IGSF11: variants seen among roughly 807,000 people sequenced by gnomAD.
The protein encoded by IGSF11 is immunoglobulin superfamily member 11.
IGSF11 carries 22 observed loss-of-function variants against 41.0 expected under a neutral mutation model. The observed-to-expected ratio is 0.54, with a 90% confidence interval of 0.38 to 0.77. The LOEUF (loss-of-function observed/expected upper bound fraction) is 0.77. Among genes scored for constraint, IGSF11 ranks in the 30% least tolerant of loss-of-function variants. The probability of loss-of-function intolerance (pLI) is 0.00; values close to 1 mark genes in which losing one functional copy is unlikely to be tolerated. For synonymous variants in IGSF11, 219 were observed against 201.3 expected, an observed-to-expected ratio of 1.09 and a Z score of -0.74; for missense variants, 444 against 530.8, an observed-to-expected ratio of 0.84 and a Z score of 1.61.
upstream of IGSF11, among the ~76,000 whole-genome samples, chr3:119,106,322 T>C (rs1308412404): frequency 6.6e-6 from 1 of 152,206 alleles, no homozygotes; most frequent in Non-Finnish European, 1.5e-5. Context: ...CTAACTATTT[T>C]TTGTACCCAT....
At chr3:118,933,470 T>TATATATATATATATATATATA (rs59418588) in intron 1 of IGSF11, among the ~76,000 whole-genome samples, 1 of 146,148 alleles carries the variant, frequency 6.8e-6, no homozygotes, top group African/African-American at 2.6e-5. Flanking sequence ...CATGTATTTT[T>TATATATATATATATATATATA]TATATATATA....
At chr3:119,100,410 T>C (rs757790196) in intron 1 of IGSF11, among the ~76,000 whole-genome samples, 8 of 152,200 alleles carry the variant, frequency 5.3e-5, no homozygotes, top group Non-Finnish European at 1.0e-4. Context: ...AAGAAGTCCC[T>C]GAGGCTTTGA....
intron 1 of IGSF11, among the ~76,000 whole-genome samples, chr3:119,127,461 A>C (rs1260632745): frequency 6.6e-6 from 1 of 152,132 alleles, no homozygotes; most frequent in Non-Finnish European, 1.5e-5. Flanking sequence ...TCAGCATATG[A>C]TCCAGGAAGA....
chr3:119,056,303 A>C (rs1249532339), intron 1 of IGSF11, among the ~76,000 whole-genome samples: 4 of 152,244 alleles, frequency 2.6e-5, no homozygotes, highest in South Asian at 2.1e-4. Flanking sequence ...ACCATCGATT[A>C]CACAGAAATA....
intron 1 of IGSF11, among the ~76,000 whole-genome samples, chr3:119,025,792 T>C (rs186477008): frequency 6.6e-6 from 1 of 152,152 alleles, no homozygotes. Flanking sequence ...ACCACAGAAA[T>C]ATCTATACAA....
At chr3:118,903,138 A>C (rs1939123433) in intron 6 of IGSF11, among the ~76,000 whole-genome samples, 177 bp from the exon 7 acceptor site, 1 of 152,168 alleles carries the variant, frequency 6.6e-6, no homozygotes, top group Non-Finnish European at 1.5e-5. Flanking sequence ...TTTGGTATCC[A>C]TTCCCTTTGA....
upstream of IGSF11, among the ~76,000 whole-genome samples, chr3:119,039,582 T>C (rs2107746801): frequency 6.6e-6 from 1 of 152,294 alleles, no homozygotes; most frequent in South Asian, 2.1e-4. Context: ...ATCCCATTTG[T>C]GGGGGGCCCT....
intron 1 of IGSF11, among the ~76,000 whole-genome samples, chr3:119,012,251 A>G (rs916827841): frequency 8.5e-5 from 13 of 152,214 alleles, no homozygotes; most frequent in African/African-American, 3.1e-4. Context: ...ACTATCAGTG[A>G]TTAGTCTCTC....
chr3:119,026,823 C>T (rs1939875776), intron 1 of IGSF11, among the ~76,000 whole-genome samples: 1 of 152,176 alleles, frequency 6.6e-6, no homozygotes. Flanking sequence ...TTCATATCTA[C>T]TTGAATGAAC....
chr3:119,004,688 A>C (rs1369228298), intron 1 of IGSF11, among the ~76,000 whole-genome samples: 1 of 148,458 alleles, frequency 6.7e-6, no homozygotes, highest in Non-Finnish European at 1.5e-5. Flanking sequence ...GTTTCAAAGA[A>C]CATCTTTATT....
intron 4 of IGSF11, among the ~76,000 whole-genome samples, chr3:118,912,761 A>C (rs1940497044): frequency 6.6e-6 from 1 of 152,216 alleles, no homozygotes; most frequent in Non-Finnish European, 1.5e-5. Flanking sequence ...TCACTATAAA[A>C]TTAGTATGCT....
rs997139970 is a variant in IGSF11 at position 118,924,031 on chromosome 3, A to G, written c.580+2070T>C. Among the ~76,000 whole-genome samples, 7 of 152,212 alleles carry G rather than the reference A, an allele frequency of 4.6e-5. 1 individual carries two copies. Among genetic ancestry groups the G allele is most frequent in the East Asian group, 1.9e-4 (1 of 5,176 alleles). Reference sequence around the variant, plus strand: ...TCAAACTTTTGCTGTTTTCACCTCAATGATGATTTTCTAACTCCATGATTC... The same window carrying G: ...TCAAACTTTTGCTGTTTTCACCTCAGTGATGATTTTCTAACTCCATGATTC... On this transcript the variant is annotated intron_variant, in intron 4 of 6. Transcript: ENST00000393775.
At chr3:118,982,636 T>G (rs1166687691) in intron 1 of IGSF11, among the ~76,000 whole-genome samples, 2 of 152,096 alleles carry the variant, frequency 1.3e-5, no homozygotes, top group African/African-American at 4.8e-5. Flanking sequence ...TTTTTAACCT[T>G]GTTTCTGTTT....
At chr3:119,124,065 CAG>C (rs1490207194) in intron 1 of IGSF11, among the ~76,000 whole-genome samples, 1 of 152,024 alleles carries the variant, frequency 6.6e-6, no homozygotes. Flanking sequence ...ACTATTCAGA[CAG>C]AGAATTCAAA....
chr3:118,911,020 G>C (rs896050152), intron 4 of IGSF11, among the ~76,000 whole-genome samples: 1 of 152,090 alleles, frequency 6.6e-6, no homozygotes, highest in African/African-American at 2.4e-5. Flanking sequence ...CCATTAGGCA[G>C]TGAGCTCTAG....
In IGSF11 at chr3:119,135,485, G is replaced by T. The variant is rs905323052; in HGVS notation, c.-14+10328C>A. Among the ~76,000 whole-genome samples, 18 of 152,318 alleles carry T rather than the reference G, an allele frequency of 1.2e-4. 1 individual carries two copies. Among genetic ancestry groups the T allele is most frequent in the Admixed American group, 3.9e-4 (6 of 15,294 alleles). ...AAATGCTCATCATCACTGGTCATCA[G>T]AGAAATGCAAATCAAAATCACAATG... On this transcript the variant is annotated intron_variant, in intron 1 of 7. Transcript: ENST00000425327.
At chr3:118,950,713 G>C (rs1019097140) in intron 1 of IGSF11, among the ~76,000 whole-genome samples, 1 of 152,022 alleles carries the variant, frequency 6.6e-6, no homozygotes, top group Non-Finnish European at 1.5e-5. Flanking sequence ...CTAAAAGTAT[G>C]GTGTTAGAAG....
intron 1 of IGSF11, among the ~76,000 whole-genome samples, chr3:119,127,992 C>A (rs1040806044): frequency 6.6e-6 from 1 of 152,188 alleles, no homozygotes; most frequent in Non-Finnish European, 1.5e-5. Flanking sequence ...GAAACTGCAT[C>A]AACTAGTGTG....
chr3:118,902,323 A>C lies in IGSF11; in HGVS notation c.*197T>G. 1.9e-6 allele frequency: 1 copy of C among 526,870 alleles called. No homozygotes were observed. The highest frequency in any genetic ancestry group is 3.0e-5 in the East Asian group (1 of 33,230). The allele number at this position is 526,870 out of a possible 1,614,324, so 32.6% of individuals were successfully genotyped here. A position where few individuals can be genotyped will look rare whatever the true frequency, so the allele number is the denominator to read the frequency against. On this transcript the variant is annotated 3_prime_UTR_variant, in exon 7 of 7. Coordinates refer to ENST00000393775, the MANE Select transcript of IGSF11 (RefSeq NM_001015887.3). Reference sequence around the variant, plus strand: ...AATCCCAGGACATCTTTGGTGGGGAAGCAAGTCTTCATGATGGAGCATTTC... The same window carrying C: ...AATCCCAGGACATCTTTGGTGGGGACGCAAGTCTTCATGATGGAGCATTTC...
Sources: gnomAD v4.1 joint callset for allele counts (sites outside exome capture counted in the v4.1 genomes callset) on GRCh38, gnomAD v4.1.1 for gene constraint, MANE v1.5 for transcripts, NCBI Gene and HGNC (gene_info 2026-07-23, HGNC 2026-07-21) for gene names.